Variants in PHLDB1 observed in about 807,000 individuals in gnomAD.
PHLDB1 encodes the protein pleckstrin homology-like domain family B member 1.
PHLDB1 carries 65 observed loss-of-function variants against 139.3 expected under a neutral mutation model. The observed-to-expected ratio is 0.47, with a 90% CI of 0.38 to 0.57. PHLDB1 has a LOEUF of 0.57. Ranked by LOEUF, PHLDB1 falls within the 20% of genes least tolerant of loss-of-function variation. The pLI is 0.00. For synonymous variants in PHLDB1, 679 were observed against 734.5 expected (o/e 0.92, Z 1.22); for missense variants, 1,624 against 1,839.7 (o/e 0.88, Z 2.14).
intron 4 of PHLDB1, among the ~76,000 whole-genome samples, chr11:118,622,496 C>T (rs1208026401): frequency 6.6e-6 from 1 of 152,178 alleles, no homozygotes; most frequent in African/African-American, 2.4e-5. Context: ...CCCCCTTATG[C>T]CGGGGAGGGT....
At chr11:118,648,426 G>C (rs924048763) in intron 18 of PHLDB1, among the ~76,000 whole-genome samples, 1 of 151,884 alleles carries the variant, frequency 6.6e-6, no homozygotes, top group African/African-American at 2.4e-5. Context: ...GATGGGAGCT[G>C]GTAGTCAAGA....
At chr11:118,644,374 G>T in intron 15 of PHLDB1, 200 bp downstream of exon 15, 1 of 585,180 alleles carries the variant, frequency 1.7e-6, no homozygotes, top group Non-Finnish European at 3.0e-6. Context: ...GAGACTAAGG[G>T]CTTAGGGGGC....
intron 15 of PHLDB1, 24 bp downstream of exon 15, chr11:118,644,198 A>G: frequency 6.5e-7 from 1 of 1,548,976 alleles, no homozygotes; most frequent in Non-Finnish European, 8.9e-7. Flanking sequence ...CCGCCAGCCC[A>G]CCTGCTCTCC....
intron 3 of PHLDB1, 188 bp downstream of exon 3, chr11:118,614,870 G>T: frequency 1.7e-6 from 1 of 577,828 alleles, no homozygotes; most frequent in Non-Finnish European, 3.1e-6. Flanking sequence ...AGATGATCTG[G>T]TTCCACGACT....
intron 13 of PHLDB1, among the ~76,000 whole-genome samples, chr11:118,643,044 C>G (rs549954880): frequency 3.0e-4 from 46 of 152,342 alleles, no homozygotes; most frequent in Admixed American, 7.8e-4. Context: ...AAGATCACCC[C>G]TTGAGTGAAG....
chr11:118,631,099 G>A, intron 6 of PHLDB1, 108 bp from the exon 7 acceptor site: 1 of 991,346 alleles, frequency 1.0e-6, no homozygotes, highest in Non-Finnish European at 1.4e-6. Flanking sequence ...TGATGTCCTA[G>A]CCCCCTGTAA....
At position 118,613,964 on chromosome 11, in the gene PHLDB1, T is replaced by C; in HGVS notation, c.60+68T>C. 3.0e-6 allele frequency: 3 copies of C among 1,011,152 alleles called. No individual in the cohort carries two copies. The Admixed American group carries it at 5.7e-5, about 19-fold the overall frequency. The allele number at this position is 1,011,152 out of a possible 1,614,324, so 62.6% of individuals were successfully genotyped here. A position where few individuals can be genotyped will look rare whatever the true frequency, so the allele number is the denominator to read the frequency against. On this transcript the variant is annotated intron_variant, in intron 2 of 22. Coordinates refer to ENST00000600882, the MANE Select transcript of PHLDB1 (RefSeq NM_001144758.3). ...GATGGGATCAGCTCTTCTACCCCCT[T>C]GTGGTCCCAGCCCAAGGATGAAAGG...
At position 118,610,851 on chromosome 11, in the gene PHLDB1, C is replaced by A. The variant is rs543874199; in HGVS notation, c.-21-2965C>A. 6.6e-6 allele frequency among the ~76,000 whole-genome samples: 1 copy of A among 152,342 alleles called. No individual in the cohort carries two copies. The highest frequency in any genetic ancestry group is 1.5e-5 in the Non-Finnish European group (1 of 68,016). ...CCCGGGCCGGGGTCACCTGCCGGCG[C>A]CCCGGCCTTGCGCACAGAGGGCCTT... On this transcript the variant is annotated intron_variant, in intron 1 of 22. Transcript: ENST00000600882. This position sits in a 1 kb window ranked among gnomAD's most constrained non-coding sequence, Gnocchi z 8.7.
rs782627893 is a variant in PHLDB1, at chr11:118,645,385, C to T, written c.3151C>T (p.Arg1051Ter). ...GQQVIEEQRR[R>*]LAELKQKAAA... is the part of the protein sequence containing the mutation. ...ACAAGTGATTGAAGAGCAGCGGCGG[C>T]GACTGGCTGAGCTGAAGCAGAAAGC... The change falls in exon 16 of 23, where the codon CGA becomes TGA. Residue 1051 changes from arginine to a stop codon, truncating the protein, a stop_gained. Transcript: ENST00000600882. LOFTEE classifies it high-confidence loss of function. The surrounding 1 kb of genome is among the most constrained non-coding windows in gnomAD (Gnocchi z 5.1). 16 of 1,520,442 alleles carry T rather than the reference C, an allele frequency of 1.1e-5. No individual in the cohort carries two copies. Among genetic ancestry groups the T allele is most frequent in the East Asian group, 2.3e-5 (1 of 43,824 alleles). 94.2% of individuals were successfully genotyped at this position (1,520,442 alleles called of 1,614,324 possible).
chr11:118,641,617 G>A (rs782335709), intron 12 of PHLDB1: 34 of 1,279,498 alleles, frequency 2.7e-5, no homozygotes, highest in Middle Eastern at 2.1e-4. Flanking sequence ...CTCCAAGTAC[G>A]TGATGCTTGA....
In PHLDB1 at chr11:118,627,706, G is replaced by T. The variant is rs1555103695; in HGVS notation, c.883G>T (p.Ala295Ser). Residue 295 changes from alanine (A) to serine (S), a missense_variant, in exon 6 of 23, where the codon GCC becomes TCC. Transcript: ENST00000600882. ...VPARSSSYHLALQPPQSRPSG... is the reference protein window; with the variant it reads ...VPARSSSYHLSLQPPQSRPSG... ...TGCCCGTTCCTCCAGCTACCATCTG[G>T]CCCTACAGCCCCCACAGTCCCGCCC... is the stretch of plus-strand genomic sequence containing the variant. 2.5e-6 allele frequency: 4 copies of T among 1,610,294 alleles called. No homozygotes were observed. The East Asian group carries it at 8.9e-5, about 36-fold the overall frequency.
intron 2 of PHLDB1, 144 bp downstream of exon 2, chr11:118,614,040 C>CTCAGTCTTTATCTGA (rs1941065722): frequency 3.2e-6 from 2 of 621,284 alleles, no homozygotes; most frequent in South Asian, 3.7e-5. Context: ...CTATTAACAG[C>CTCAGTCTTTATCTGA]TCAGTCTTTA....
intron 9 of PHLDB1, chr11:118,633,195 C>T (rs45478298): frequency 0.023 from 3,550 of 152,520 alleles, 58 homozygotes; most frequent in Non-Finnish European, 0.035. Context: ...CAGTGGGTGC[C>T]TCTGTGCCCC....
chr11:118,648,466 A>G (rs1947897396), intron 18 of PHLDB1, among the ~76,000 whole-genome samples: 1 of 151,948 alleles, frequency 6.6e-6, no homozygotes, highest in South Asian at 2.1e-4. Flanking sequence ...GCCTCTCTCC[A>G]GGGCCTCAGA....
At chr11:118,629,927 G>C (rs575975907) in intron 6 of PHLDB1, 1 of 1,039,668 alleles carries the variant, frequency 9.6e-7, no homozygotes, top group Admixed American at 2.7e-5. Context: ...CTTGGAGGCT[G>C]CCCGCCCTGC....
Position 118,627,474 on chromosome 11 carries a change from C to T in PHLDB1, c.651C>T (p.Ala217=), listed in dbSNP as rs782010712. 46 of 1,614,052 alleles carry T rather than the reference C, an allele frequency of 2.8e-5. No individual in the cohort carries two copies. The South Asian group carries it at 4.1e-4, about 14-fold the overall frequency. ...CTGGAGCTGCTGGCAAGAAGCCTGC[C>T]GCAACCTCTCCACTGTCACCGATGG... ...EEPGAAGKKP[A]ATSPLSPMAN... Residue 217 remains alanine (A), a synonymous_variant, in exon 6 of 23, where the codon GCC becomes GCT. Transcript: ENST00000600882.
chr11:118,628,682 C>T (rs201997338), intron 6 of PHLDB1, 32 bp downstream of exon 6: 197 of 1,578,160 alleles, frequency 1.2e-4, no homozygotes, highest in Middle Eastern at 1.7e-4. Context: ...TTGCCACTGT[C>T]CATGGCAGAG....
intron 1 of PHLDB1, chr11:118,613,594 G>C (rs1555085796): frequency 1.6e-6 from 1 of 632,352 alleles, no homozygotes; most frequent in African/African-American, 1.9e-5. Context: ...AGTGGCAGGG[G>C]GCAGGACTGG....
chr11:118,627,594 ACT>A lies in PHLDB1; in HGVS notation c.776_777del (p.Ser259PhefsTer61), dbSNP rs782613473. ...AGAACACCTCTCCAGCCTTCTCTCC[ACT>A]CTCTTCACCAGCCAGCAGTGGAAGC... The part of the protein sequence containing the change: ...YENTSPAFSP[L>X]SSPASSGSCA... On this transcript the variant is annotated frameshift_variant, in exon 6 of 23. Coordinates refer to ENST00000600882, the MANE Select transcript of PHLDB1 (RefSeq NM_001144758.3). LOFTEE classifies it high-confidence loss of function. The A allele has an allele frequency of 4.3e-6, 7 of 1,613,064 alleles. No individual in the cohort carries two copies. Among genetic ancestry groups the A allele is most frequent in the Non-Finnish European group, 5.9e-6 (7 of 1,179,852 alleles).
Sources: allele counts gnomAD v4.1 joint callset (sites outside exome capture counted in the v4.1 genomes callset), GRCh38; gene constraint gnomAD v4.1.1; non-coding constraint Gnocchi (gnomAD v3.1); transcripts MANE v1.5; gene names NCBI Gene and HGNC (gene_info 2026-07-23, HGNC 2026-07-21).